The following ZNF644 variants were observed in gnomAD, a reference collection of about 807,000 sequenced individuals.
The protein encoded by ZNF644 is zinc finger motif enhancer binding protein 2.
ZNF644 carries 20 observed loss-of-function variants against 108.0 expected under a neutral mutation model. The ratio of observed to expected loss-of-function variants is 0.19; its 90% CI spans 0.13 to 0.27. The LOEUF (loss-of-function observed/expected upper bound fraction) is 0.27, where lower values mean the gene tolerates loss of function less well. Ranked by LOEUF, ZNF644 falls within the 10% of genes least tolerant of loss-of-function variation. The probability of loss-of-function intolerance (pLI) is 1.00; values close to 1 mark genes in which losing one functional copy is unlikely to be tolerated. For missense variants in ZNF644, 1,338 were observed against 1,548.9 expected (o/e 0.86, Z 2.29); for synonymous variants, 542 against 539.1 (o/e 1.01, Z -0.08).
chr1:90,980,047 T>C (rs1368660139), intron 2 of ZNF644, among the ~76,000 whole-genome samples: 2 of 152,130 alleles, frequency 1.3e-5, no homozygotes, highest in African/African-American at 2.4e-5. Flanking sequence ...CCCCATCCCA[T>C]TCCAGCTAGC....
At chr1:90,933,588 A>G (rs1279192864) in intron 4 of ZNF644, among the ~76,000 whole-genome samples, 1 of 152,002 alleles carries the variant, frequency 6.6e-6, no homozygotes, top group Non-Finnish European at 1.5e-5. Flanking sequence ...TGCTTGAACC[A>G]GGGAGGTGGA....
intron 4 of ZNF644, among the ~76,000 whole-genome samples, chr1:90,920,249 G>A (rs1301465927): frequency 1.3e-5 from 2 of 151,978 alleles, no homozygotes; most frequent in African/African-American, 4.8e-5. Flanking sequence ...TGATGAGCTT[G>A]CTGGTTGTCA....
chr1:91,020,208 G>A (rs1660777441), intron 1 of ZNF644, among the ~76,000 whole-genome samples: 1 of 151,934 alleles, frequency 6.6e-6, no homozygotes, highest in Non-Finnish European at 1.5e-5. Flanking sequence ...AGACTGTTCT[G>A]TATTAGAAGC....
rs747501906 is a variant in ZNF644, at chr1:90,939,345, T to G, written c.2009A>C (p.Gln670Pro). The G allele has an allele frequency of 1.2e-6, 2 of 1,614,062 alleles. No individual in the cohort carries two copies. The highest frequency in any genetic ancestry group is 1.7e-6 in the Non-Finnish European group (2 of 1,179,948). The change falls in exon 3 of 6, where the codon CAA becomes CCA. Residue 670 changes from glutamine to proline, a missense_variant. Gln to Pro is a moderately conservative substitution (Grantham distance 76, BLOSUM62 -1). Around this residue, in one of 6 missense-constraint regions of ZNF644, gnomAD observed 462 missense variants for 472.6 expected, o/e 0.98. Transcript: ENST00000337393. ...ATGAATTTTTGAAAAACTACTTGAT[T>G]GTGAGGTTGATCCAAATGTTCGCTT... ...DVKRTFGSTS[Q>P]SSSFSKIHKR...
chr1:91,015,902 A>G (rs759530286), intron 1 of ZNF644, among the ~76,000 whole-genome samples: 10 of 152,232 alleles, frequency 6.6e-5, no homozygotes, highest in African/African-American at 2.4e-5. Flanking sequence ...TTTACTCAGC[A>G]TTGTATGCCA....
At chr1:90,998,875 C>G (rs1442856882) in intron 1 of ZNF644, among the ~76,000 whole-genome samples, 1 of 152,202 alleles carries the variant, frequency 6.6e-6, no homozygotes, top group Non-Finnish European at 1.5e-5. Flanking sequence ...AGCTGAAAAC[C>G]ATGGCACGAG....
intron 4 of ZNF644, among the ~76,000 whole-genome samples, chr1:90,928,689 C>T (rs1214744000): frequency 6.6e-6 from 1 of 151,986 alleles, no homozygotes; most frequent in East Asian, 1.9e-4. Context: ...AAGCACCAAC[C>T]CCACCTTTCT....
chr1:90,960,081 T>C (rs915304709), intron 2 of ZNF644, among the ~76,000 whole-genome samples: 1 of 152,178 alleles, frequency 6.6e-6, no homozygotes, highest in East Asian at 1.9e-4. Context: ...GCAGTACTTT[T>C]GTTCAAGAAC....
At chr1:90,927,274 C>T (rs1343089606) in intron 4 of ZNF644, among the ~76,000 whole-genome samples, 2 of 152,166 alleles carry the variant, frequency 1.3e-5, no homozygotes, top group Non-Finnish European at 2.9e-5. Context: ...TGTGCTTCTA[C>T]TGTATTGTAA....
intron 1 of ZNF644, among the ~76,000 whole-genome samples, chr1:90,996,146 A>C (rs745347301): frequency 4.2e-4 from 64 of 152,360 alleles, no homozygotes; most frequent in Non-Finnish European, 7.3e-4. Flanking sequence ...AATCACTACG[A>C]GATAACCCTA....
At chr1:90,964,291 T>TA (rs1162713924) in intron 2 of ZNF644, among the ~76,000 whole-genome samples, 2 of 152,136 alleles carry the variant, frequency 1.3e-5, no homozygotes, top group Non-Finnish European at 2.9e-5. Context: ...AAACATTAAT[T>TA]ACTATTAAAG....
chr1:90,940,966 T>C lies in ZNF644; in HGVS notation c.388A>G (p.Asn130Asp). ...AATGAAACACTGCCTTTATTCATAT[T>C]GGAAGTCTTAGTTAAGGAGGAGTGT... Reference protein sequence around the residue: ...VSHSSLTKTSNMNKGSVSLTT... With the variant: ...VSHSSLTKTSDMNKGSVSLTT... The change falls in exon 3 of 6, where the codon AAT becomes GAT. Residue 130 changes from asparagine (N) to aspartate (D), a missense_variant. Physicochemically the swap from Asn to Asp is conservative, Grantham distance 23 (BLOSUM62 1). Around this residue, in one of 6 missense-constraint regions of ZNF644, gnomAD observed 464 missense variants for 457.9 expected, o/e 1.01. Coordinates refer to ENST00000337393, the MANE Select transcript of ZNF644 (RefSeq NM_201269.3). The C allele has an allele frequency of 6.2e-7, 1 of 1,614,104 alleles. No individual in the cohort carries two copies.
At chr1:90,980,683 T>G (rs1186854148) in intron 2 of ZNF644, among the ~76,000 whole-genome samples, 3 of 152,074 alleles carry the variant, frequency 2.0e-5, no homozygotes, top group African/African-American at 7.2e-5. Context: ...TAGATGAAGC[T>G]CAAGAACATT....
intron 4 of ZNF644, chr1:90,918,493 T>A (rs964784860): frequency 2.6e-4 from 55 of 212,056 alleles, no homozygotes; most frequent in African/African-American, 1.2e-3. Context: ...ATAATGGTAA[T>A]CTTTACTTTT....
In ZNF644 at chr1:90,937,842, G is replaced by T. The variant is rs1651506575; in HGVS notation, c.3331C>A (p.Leu1111Ile). The change falls in exon 4 of 6, where the codon CTT becomes ATT. Residue 1111 changes from leucine (L) to isoleucine (I), a missense_variant. Leu to Ile is a conservative substitution (Grantham distance 5). Coordinates refer to ENST00000337393, the MANE Select transcript of ZNF644 (RefSeq NM_201269.3). ...GATATAAAGTCATCACTTGATGCAA[G>T]TTTTTGAGCTACAAATGGTCTGGGA... ...IIPRPFVAQK[L>I]ASSDDFISQN... 6.2e-7 allele frequency: 1 copy of T among 1,613,726 alleles called. No homozygotes were observed. Among genetic ancestry groups the T allele is most frequent in the African/African-American group, 1.3e-5 (1 of 74,890 alleles).
intron 2 of ZNF644, among the ~76,000 whole-genome samples, chr1:90,956,868 A>C (rs116362948): frequency 6.6e-6 from 1 of 152,154 alleles, no homozygotes. Flanking sequence ...AAAAAAATTA[A>C]GTTGGTTCCT....
At chr1:90,982,697 A>G (rs577378617) in intron 1 of ZNF644, among the ~76,000 whole-genome samples, 1 of 152,248 alleles carries the variant, frequency 6.6e-6, no homozygotes, top group East Asian at 1.9e-4. Flanking sequence ...AATAATTACT[A>G]AAACACACAT....
Position 90,939,263 on chromosome 1 carries a change from G to A in ZNF644, c.2091C>T (p.Asn697=). 3 of 1,614,020 alleles carry A rather than the reference G, an allele frequency of 1.9e-6. No individual in the cohort carries two copies. Among genetic ancestry groups the A allele is most frequent in the Non-Finnish European group, 2.5e-6 (3 of 1,179,930 alleles). The change falls in exon 3 of 6, where the codon AAC becomes AAT. Residue 697 remains asparagine (N), a synonymous_variant. Transcript: ENST00000337393. ...GAGGAGAGCTGTTTTGATTGCACAT[G>A]TTTACACCTGATTGGGCAATGCTTT... ...ARKSIAQSGV[N]MCNQNSSPHK...
At chr1:90,956,457 C>T (rs990072188) in intron 2 of ZNF644, among the ~76,000 whole-genome samples, 1 of 152,116 alleles carries the variant, frequency 6.6e-6, no homozygotes, top group African/African-American at 2.4e-5. Flanking sequence ...GCATTCCCCA[C>T]AGATGAGATT....
Sources: gnomAD v4.1 joint callset for allele counts (sites outside exome capture counted in the v4.1 genomes callset) on GRCh38, gnomAD v4.1.1 for gene constraint, gnomAD v4.1.1 regional missense constraint, MANE v1.5 for transcripts, NCBI Gene and HGNC (gene_info 2026-07-23, HGNC 2026-07-21) for gene names.